ITGA11: variants seen among roughly 807,000 people sequenced by gnomAD.
The protein encoded by ITGA11 is integrin subunit alpha 11.
A neutral mutation model predicts 141.9 loss-of-function variants in ITGA11; 97 were observed. The ratio of observed to expected loss-of-function variants is 0.68; its 90% CI spans 0.58 to 0.81. The LOEUF (loss-of-function observed/expected upper bound fraction) is 0.81, where lower values mean the gene tolerates loss of function less well. Ranked by LOEUF, ITGA11 falls within the 30% of genes least tolerant of loss-of-function variation. The pLI is 0.00. For synonymous variants in ITGA11, 658 were observed against 624.6 expected (o/e 1.05, Z -0.80); for missense variants, 1,387 against 1,559.2 (o/e 0.89, Z 1.86).
intron 2 of ITGA11, among the ~76,000 whole-genome samples, chr15:68,375,181 C>T (rs1200181056): frequency 1.3e-5 from 2 of 152,242 alleles, no homozygotes; most frequent in African/African-American, 2.4e-5. Context: ...CCTTCCTCAC[C>T]TGTTCCTTTC....
chr15:68,417,553 G>A (rs111579924), intron 1 of ITGA11, among the ~76,000 whole-genome samples: 96 of 152,136 alleles, frequency 6.3e-4, no homozygotes, highest in African/African-American at 2.1e-3. Flanking sequence ...ATCTTTCAAC[G>A]GTGTGAACTA....
Position 68,326,915 on chromosome 15 carries a change from G to A in ITGA11, c.2069-119C>T, listed in dbSNP as rs1595860525. 2.7e-6 allele frequency: 3 copies of A among 1,099,892 alleles called. No individual in the cohort carries two copies. Among genetic ancestry groups the A allele is most frequent in the Non-Finnish European group, 2.5e-6 (2 of 787,360 alleles). 68.1% of individuals were successfully genotyped at this position (1,099,892 alleles called of 1,614,324 possible). On this transcript the variant is annotated intron_variant, in intron 16 of 29. Transcript: ENST00000315757. This position sits in a 1 kb window ranked among gnomAD's most constrained non-coding sequence, Gnocchi z 6.8. Reference sequence around the variant, plus strand: ...GGGAGAGCTGTTCCTTTCCTCTCACGAGCCCCAGTGTGGGTGAGAAACTCC... The same window carrying A: ...GGGAGAGCTGTTCCTTTCCTCTCACAAGCCCCAGTGTGGGTGAGAAACTCC...
At chr15:68,423,203 G>A (rs778894820) in intron 1 of ITGA11, among the ~76,000 whole-genome samples, 3 of 152,150 alleles carry the variant, frequency 2.0e-5, no homozygotes, top group South Asian at 4.1e-4. Context: ...CTGTTCTCCT[G>A]GTGCTCCCTT....
At chr15:68,320,623 C>T (rs1250594333) in intron 19 of ITGA11, among the ~76,000 whole-genome samples, 1 of 152,204 alleles carries the variant, frequency 6.6e-6, no homozygotes, top group Admixed American at 6.5e-5. Flanking sequence ...AGAGATCATA[C>T]CCTCCGCTGA....
At chr15:68,353,916 C>A (rs1247389827) in intron 7 of ITGA11, among the ~76,000 whole-genome samples, 1 of 152,102 alleles carries the variant, frequency 6.6e-6, no homozygotes, top group East Asian at 1.9e-4. Flanking sequence ...CACCCCCACC[C>A]ACACTGGACT....
intron 3 of ITGA11, among the ~76,000 whole-genome samples, chr15:68,368,661 G>C (rs1895499146): frequency 6.6e-6 from 1 of 152,202 alleles, no homozygotes; most frequent in Admixed American, 6.5e-5. Context: ...CCTGCTCCTT[G>C]TGAGCTGAGT....
intron 11 of ITGA11, among the ~76,000 whole-genome samples, chr15:68,337,319 C>A (rs1185371570): frequency 6.6e-6 from 1 of 152,198 alleles, no homozygotes; most frequent in African/African-American, 2.4e-5. Context: ...GAGGCTGGGC[C>A]AGCCTCCCTG....
At chr15:68,358,886 A>G (rs1351246026) in intron 5 of ITGA11, among the ~76,000 whole-genome samples, 2 of 152,248 alleles carry the variant, frequency 1.3e-5, no homozygotes, top group African/African-American at 4.8e-5. Flanking sequence ...GGCAGCCAGC[A>G]CTGCTCAAAT....
intron 20 of ITGA11, among the ~76,000 whole-genome samples, chr15:68,318,729 G>C (rs182222933): frequency 0.017 from 2,625 of 152,146 alleles, 40 homozygotes; most frequent in Non-Finnish European, 0.028. Flanking sequence ...GGCAAGCAAG[G>C]GGGGGGCACT....
intron 15 of ITGA11, among the ~76,000 whole-genome samples, chr15:68,329,970 G>A (rs1298023313): frequency 6.6e-6 from 1 of 152,240 alleles, no homozygotes; most frequent in African/African-American, 2.4e-5. Flanking sequence ...GTCTGCTGCT[G>A]CCCCTTCTTC....
chr15:68,361,184 T>C (rs1338856605), intron 5 of ITGA11, among the ~76,000 whole-genome samples: 1 of 152,206 alleles, frequency 6.6e-6, no homozygotes, highest in Admixed American at 6.5e-5. Context: ...TTCCTTCATC[T>C]ACAAGGCTAC....
At chr15:68,349,365 C>G (rs1595871661) in intron 9 of ITGA11, among the ~76,000 whole-genome samples, 2 of 152,228 alleles carry the variant, frequency 1.3e-5, no homozygotes, top group East Asian at 3.8e-4. Flanking sequence ...AGAGGGAGGT[C>G]TGTCACCACT....
intron 1 of ITGA11, among the ~76,000 whole-genome samples, chr15:68,403,538 G>A (rs1263394444): frequency 1.3e-5 from 2 of 152,162 alleles, no homozygotes; most frequent in Admixed American, 6.5e-5. Context: ...AGCTCCCTGA[G>A]GCCCTCATTA....
At chr15:68,347,722 G>A (rs1474784077) in intron 10 of ITGA11, among the ~76,000 whole-genome samples, 2 of 152,138 alleles carry the variant, frequency 1.3e-5, no homozygotes, top group Non-Finnish European at 2.9e-5. Context: ...ACTCCAGCAG[G>A]TCACTTAACC....
intron 23 of ITGA11, 43 bp downstream of exon 23, chr15:68,313,736 C>G (rs764950808): frequency 1.3e-6 from 2 of 1,502,210 alleles, no homozygotes; most frequent in Non-Finnish European, 1.8e-6. Flanking sequence ...TCCTCCCATT[C>G]CCCATGCCTT....
intron 10 of ITGA11, among the ~76,000 whole-genome samples, chr15:68,344,291 G>A (rs970677381): frequency 6.6e-6 from 1 of 152,112 alleles, no homozygotes; most frequent in Non-Finnish European, 1.5e-5. Context: ...GGTCTAGGGG[G>A]GCACAGGAGG....
chr15:68,410,308 G>A (rs571786348), intron 1 of ITGA11, among the ~76,000 whole-genome samples: 1 of 152,352 alleles, frequency 6.6e-6, no homozygotes, highest in East Asian at 1.9e-4. Flanking sequence ...GTGTAAGCAA[G>A]AGCTTTCATT....
chr15:68,335,612 A>C lies in ITGA11; in HGVS notation c.1425+85T>G. The C allele has an allele frequency of 6.8e-7, 1 of 1,468,864 alleles. No individual in the cohort carries two copies. The highest frequency in any genetic ancestry group is 1.2e-5 in the South Asian group (1 of 82,390). The allele number at this position is 1,468,864 out of a possible 1,614,324, so 91.0% of individuals were successfully genotyped here. On this transcript the variant is annotated intron_variant, in intron 12 of 29. Transcript: ENST00000315757. The surrounding 1 kb of genome is among the most constrained non-coding windows in gnomAD (Gnocchi z 4.9). The stretch of plus-strand genomic sequence containing the variant: ...TGCCCTTTGGGGCACCCAGTGGTCC[A>C]GGCATGCCTGTATTTACTGCCCTCC...
At position 68,303,490 on chromosome 15, in the gene ITGA11, G is replaced by A. The variant is rs1261753741; in HGVS notation, c.3495+282C>T. Among the ~76,000 whole-genome samples, 1 of 151,976 alleles carries A rather than the reference G, an allele frequency of 6.6e-6. No homozygotes were observed. Among genetic ancestry groups the A allele is most frequent in the Non-Finnish European group, 1.5e-5 (1 of 67,972 alleles). Reference sequence around the variant, plus strand: ...GGAGGTTTGTTAACAGCTTGACATTGTGGGAGAAATTTTGTGCAGTTGTTT... The same window carrying A: ...GGAGGTTTGTTAACAGCTTGACATTATGGGAGAAATTTTGTGCAGTTGTTT... On this transcript the variant is annotated intron_variant, in intron 29 of 29. Coordinates refer to ENST00000315757, the MANE Select transcript of ITGA11 (RefSeq NM_001004439.2). This position sits in a 1 kb window ranked among gnomAD's most constrained non-coding sequence, Gnocchi z 5.3.
Sources: allele counts gnomAD v4.1 joint callset (sites outside exome capture counted in the v4.1 genomes callset), GRCh38; gene constraint gnomAD v4.1.1; non-coding constraint Gnocchi (gnomAD v3.1); transcripts MANE v1.5; gene names NCBI Gene and HGNC (gene_info 2026-07-23, HGNC 2026-07-21).